The following TRPM3 variants were observed in gnomAD, a reference collection of about 807,000 sequenced individuals.
TRPM3 encodes the protein transient receptor potential cation channel subfamily M member 3.
TRPM3 carries 77 observed loss-of-function variants against 181.2 expected under a neutral mutation model. The ratio of observed to expected loss-of-function variants is 0.42; its 90% confidence interval spans 0.35 to 0.51. The LOEUF is 0.51. Ranked by LOEUF, TRPM3 falls within the 20% of genes least tolerant of loss-of-function variation. TRPM3 has a pLI of 0.01. For missense variants in TRPM3, 1,759 were observed against 2,196.7 expected (o/e 0.80, Z 3.98); for synonymous variants, 745 against 796.4 (o/e 0.94, Z 1.09).
At chr9:71,034,404 G>T (rs2057924678) in intron 1 of TRPM3, among the ~76,000 whole-genome samples, 1 of 152,018 alleles carries the variant, frequency 6.6e-6, no homozygotes, top group Admixed American at 6.6e-5. Flanking sequence ...TGAAACATGG[G>T]AAAAAAGAGA....
chr9:71,406,464 T>C (rs2093437462), intron 1 of TRPM3, among the ~76,000 whole-genome samples: 1 of 152,184 alleles, frequency 6.6e-6, no homozygotes, highest in African/African-American at 2.4e-5. Context: ...AGTATTTAGC[T>C]AAGGCCCACC....
intron 22 of TRPM3, among the ~76,000 whole-genome samples, chr9:70,585,323 C>A (rs1012448282): frequency 6.6e-6 from 1 of 152,076 alleles, no homozygotes; most frequent in Non-Finnish European, 1.5e-5. Flanking sequence ...TCCTCTCTGG[C>A]CTTCTCTTCT....
intron 8 of TRPM3, among the ~76,000 whole-genome samples, chr9:70,759,761 C>T (rs1234001314): frequency 6.6e-6 from 1 of 152,092 alleles, no homozygotes; most frequent in Non-Finnish European, 1.5e-5. Context: ...CATGTTCTCA[C>T]TCATAAGCTG....
intron 7 of TRPM3, among the ~76,000 whole-genome samples, chr9:70,762,856 C>T (rs904018200): frequency 6.6e-6 from 1 of 152,198 alleles, no homozygotes; most frequent in Non-Finnish European, 1.5e-5. Context: ...CTTTCCACCA[C>T]ACCATGTTGC....
intron 9 of TRPM3, among the ~76,000 whole-genome samples, chr9:70,664,897 C>G (rs573038385): frequency 2.2e-4 from 34 of 152,006 alleles, no homozygotes; most frequent in African/African-American, 7.5e-4. Flanking sequence ...TGATCCACCC[C>G]CCTCAGCCTC....
intron 1 of TRPM3, among the ~76,000 whole-genome samples, chr9:71,086,270 G>A (rs1479154257): frequency 1.3e-5 from 2 of 151,718 alleles, no homozygotes; most frequent in Non-Finnish European, 2.9e-5. Context: ...GCTAGGTGAT[G>A]GGATTATTAG....
At chr9:71,404,906 G>T (rs895904138) in intron 1 of TRPM3, among the ~76,000 whole-genome samples, 2 of 152,066 alleles carry the variant, frequency 1.3e-5, no homozygotes, top group African/African-American at 2.4e-5. Flanking sequence ...AATATCTCTA[G>T]ATCTAAACCA....
At chr9:71,414,376 C>T (rs1315144673) in intron 1 of TRPM3, among the ~76,000 whole-genome samples, 1 of 152,080 alleles carries the variant, frequency 6.6e-6, no homozygotes, top group Non-Finnish European at 1.5e-5. Context: ...TATATCACCA[C>T]TCTCTTAAGA....
intron 1 of TRPM3, among the ~76,000 whole-genome samples, chr9:71,131,573 T>C (rs1018487785): frequency 3.3e-5 from 5 of 152,210 alleles, no homozygotes; most frequent in Admixed American, 6.5e-5. Context: ...GCCATGTTTG[T>C]TATAATCATT....
At chr9:70,956,296 C>CTTTTTTTTTTTTTT (rs537484746) in intron 1 of TRPM3, among the ~76,000 whole-genome samples, 2 of 97,142 alleles carry the variant, frequency 2.1e-5, no homozygotes, top group African/African-American at 4.0e-5. Context: ...AGAAATACAC[C>CTTTTTTTTTTTTTT]TTTTTTTTTT....
chr9:70,672,906 T>C (rs376975238), intron 9 of TRPM3, among the ~76,000 whole-genome samples: 3 of 152,190 alleles, frequency 2.0e-5, no homozygotes, highest in East Asian at 3.9e-4. Flanking sequence ...GCCGAGAATT[T>C]TAGGAAGTAG....
At chr9:70,991,902 G>T (rs1459220141) in intron 1 of TRPM3, among the ~76,000 whole-genome samples, 1 of 152,136 alleles carries the variant, frequency 6.6e-6, no homozygotes, top group Non-Finnish European at 1.5e-5. Flanking sequence ...TTCTGGGCAT[G>T]CTGTTCCTTC....
At chr9:71,322,838 T>C (rs1007120026) in intron 1 of TRPM3, among the ~76,000 whole-genome samples, 6 of 152,180 alleles carry the variant, frequency 3.9e-5, no homozygotes, top group African/African-American at 1.4e-4. Flanking sequence ...TGTTTAGTTT[T>C]TTTAAAGGCA....
chr9:71,049,179 T>C (rs937910822), intron 1 of TRPM3, among the ~76,000 whole-genome samples: 4 of 152,090 alleles, frequency 2.6e-5, no homozygotes, highest in Admixed American at 2.0e-4. Context: ...GCATTATACA[T>C]GACTCCATTG....
At chr9:71,160,221 T>C (rs1350796318) in intron 1 of TRPM3, among the ~76,000 whole-genome samples, 5 of 152,172 alleles carry the variant, frequency 3.3e-5, no homozygotes, top group African/African-American at 1.2e-4. Flanking sequence ...TGCTCAAATA[T>C]CACTTCAATT....
chr9:70,971,574 A>G (rs1419493273), intron 1 of TRPM3, among the ~76,000 whole-genome samples: 1 of 152,166 alleles, frequency 6.6e-6, no homozygotes, highest in Non-Finnish European at 1.5e-5. Context: ...GAAGAAAGTG[A>G]GAAGCCCTAA....
At chr9:71,235,028 G>A (rs982478759) in intron 1 of TRPM3, among the ~76,000 whole-genome samples, 4 of 152,204 alleles carry the variant, frequency 2.6e-5, no homozygotes, top group Non-Finnish European at 4.4e-5. Flanking sequence ...TTCTCCCTCT[G>A]TGATCTGGGT....
chr9:70,870,366 T>C (rs1338546310), intron 1 of TRPM3, among the ~76,000 whole-genome samples: 2 of 152,050 alleles, frequency 1.3e-5, no homozygotes, highest in Admixed American at 6.6e-5. Context: ...GGGGAAACAT[T>C]ATGATAAATA....
intron 1 of TRPM3, among the ~76,000 whole-genome samples, chr9:71,437,643 G>T (rs545856987): frequency 6.6e-6 from 1 of 151,968 alleles, no homozygotes; most frequent in African/African-American, 2.4e-5. Flanking sequence ...TATGGTGGGC[G>T]GATCACCTGA....
Sources: allele counts gnomAD v4.1 joint callset (sites outside exome capture counted in the v4.1 genomes callset), GRCh38; gene constraint gnomAD v4.1.1; transcripts MANE v1.5; gene names NCBI Gene and HGNC (gene_info 2026-07-23, HGNC 2026-07-21).